The following ZNF331 variants were observed in gnomAD, a reference collection of about 807,000 sequenced individuals.
ZNF331 encodes the protein zinc finger protein 331, also known as C2H2-like zinc finger protein rearranged in thyroid adenomas.
In ZNF331, 2 loss-of-function variants were observed where a neutral mutation model predicts 7.0. The ratio of observed to expected loss-of-function variants is 0.29; its 90% CI spans 0.12 to 0.90. ZNF331 has a LOEUF of 0.90. Ranked by LOEUF, ZNF331 falls within the 40% of genes least tolerant of loss-of-function variation. ZNF331 has a pLI of 0.58. For missense variants in ZNF331, 432 were observed against 587.7 expected (o/e 0.74, Z 2.74); for synonymous variants, 196 against 205.4 (o/e 0.95, Z 0.39).
chr19:53,571,824 TTTC>T lies in ZNF331; in HGVS notation c.136+101_136+103del, dbSNP rs1358425734. On this transcript the variant is annotated intron_variant, in intron 5 of 5. Coordinates refer to ENST00000449416, the MANE Select transcript of ZNF331 (RefSeq NM_001079906.2). The surrounding 1 kb of genome is among the most constrained non-coding windows in gnomAD (Gnocchi z 4.7). The stretch of plus-strand genomic sequence containing the variant: ...ACCGCCTTTCAAGAAACTAGTTGAA[TTTC>T]TTCTTCCTGTCCCCAAGGAATGTAT... The T allele has an allele frequency of 6.8e-7, 1 of 1,464,492 alleles. No homozygotes were observed. The highest frequency in any genetic ancestry group is 9.2e-7 in the Non-Finnish European group (1 of 1,091,096). The allele number at this position is 1,464,492 out of a possible 1,614,324, so 90.7% of individuals were successfully genotyped here.
At chr19:53,520,608 G>A (rs563524014), upstream of ZNF331, among the ~76,000 whole-genome samples, 2 of 152,342 alleles carry the variant, frequency 1.3e-5, no homozygotes, top group South Asian at 4.1e-4. Flanking sequence ...ACAGTGGGAG[G>A]AGACACCGAC....
chr19:53,504,998 T>G, the ZNF331 span, among the ~76,000 whole-genome samples: 1 of 152,210 alleles, frequency 6.6e-6, no homozygotes, highest in South Asian at 2.1e-4. Flanking sequence ...CGAATGTGAT[T>G]TATTTGTTGC....
chr19:53,517,118 A>G (rs1316723531), upstream of ZNF331, among the ~76,000 whole-genome samples: 1 of 152,164 alleles, frequency 6.6e-6, no homozygotes, highest in Non-Finnish European at 1.5e-5. Flanking sequence ...ATGCCATTTG[A>G]CAAATCCCCC....
chr19:53,523,826 C>T (rs1397822585), intron 2 of ZNF331, among the ~76,000 whole-genome samples: 1 of 151,820 alleles, frequency 6.6e-6, no homozygotes, highest in African/African-American at 2.4e-5. Context: ...CAGGTTTAAT[C>T]CATAGGTATA....
At chr19:53,526,973 G>A (rs2087325829) in intron 2 of ZNF331, among the ~76,000 whole-genome samples, 1 of 151,598 alleles carries the variant, frequency 6.6e-6, no homozygotes, top group African/African-American at 2.4e-5. Flanking sequence ...GGCGGATCAC[G>A]AGGTCAGGAG....
intron 2 of ZNF331, among the ~76,000 whole-genome samples, chr19:53,541,123 T>C (rs2088140123): frequency 1.3e-5 from 2 of 151,750 alleles, no homozygotes; most frequent in East Asian, 1.9e-4. Flanking sequence ...TTTTTTTTTT[T>C]TGAGACAGAG....
chr19:53,575,170 C>G (rs2090648891), intron 5 of ZNF331, among the ~76,000 whole-genome samples: 1 of 151,882 alleles, frequency 6.6e-6, no homozygotes, highest in African/African-American at 2.4e-5. Context: ...AACTCCTGAG[C>G]TCAAGTAATC....
chr19:53,515,998 G>GA (rs1275772379), upstream of ZNF331, among the ~76,000 whole-genome samples: 1 of 152,082 alleles, frequency 6.6e-6, no homozygotes, highest in Non-Finnish European at 1.5e-5. Context: ...ATGACAACAA[G>GA]AAAAAAGCTG....
In ZNF331 at chr19:53,539,139, CCA is replaced by C. The variant is rs1215894616; in HGVS notation, c.-204-76_-204-75del. 2 of 152,314 alleles carry C rather than the reference CCA, an allele frequency of 1.3e-5. No homozygotes were observed. Among genetic ancestry groups the C allele is most frequent in the East Asian group, 3.9e-4 (2 of 5,160 alleles). The allele number at this position is 152,314 out of a possible 1,614,324, so 9.4% of individuals were successfully genotyped here. A position where few individuals can be genotyped will look rare whatever the true frequency, so the allele number is the denominator to read the frequency against. ...GCTCTTCAGGAATCTCCCAGAAACTCCATCTCGGGGCCTCGTATTTCTCATTG... is the reference window on the plus strand; with the variant it reads ...GCTCTTCAGGAATCTCCCAGAAACTCTCTCGGGGCCTCGTATTTCTCATTG... On this transcript the variant is annotated intron_variant, in intron 1 of 5. Transcript: ENST00000449416. The surrounding 1 kb of genome is among the most constrained non-coding windows in gnomAD (Gnocchi z 6.1).
chr19:53,506,247 A>C, the ZNF331 span, among the ~76,000 whole-genome samples: 1 of 123,954 alleles, frequency 8.1e-6, no homozygotes, highest in Non-Finnish European at 1.7e-5. Context: ...AGGCAGGAGA[A>C]TGGCGTGAAC....
At chr19:53,523,770 AT>A (rs56928806) in intron 2 of ZNF331, among the ~76,000 whole-genome samples, 5 of 149,108 alleles carry the variant, frequency 3.4e-5, no homozygotes, top group Admixed American at 6.7e-5. Flanking sequence ...TAGGGATACT[AT>A]TTTTTTTTTA....
chr19:53,514,912 A>C (rs1464123747), upstream of ZNF331, among the ~76,000 whole-genome samples: 1 of 152,056 alleles, frequency 6.6e-6, no homozygotes, highest in Non-Finnish European at 1.5e-5. Flanking sequence ...GGCCTCCCAA[A>C]GTGCTGGATT....
chr19:53,569,357 A>G lies in ZNF331; in HGVS notation c.-20A>G, dbSNP rs1012435127. 1.2e-5 allele frequency: 19 copies of G among 1,613,682 alleles called. No individual in the cohort carries two copies. The African/African-American group carries it at 2.4e-4, about 20-fold the overall frequency. ...AGTGGAAACCCCGAGAAGACTGATC[A>G]GTTCTTCAGTTCTAAAACAATGGCC... On this transcript the variant is annotated 5_prime_UTR_variant, in exon 4 of 6. Transcript: ENST00000449416.
chr19:53,526,207 G>T (rs2708773), intron 2 of ZNF331, among the ~76,000 whole-genome samples: 39,912 of 152,074 alleles, frequency 0.26, 6,197 homozygotes, highest in African/African-American at 0.43. Flanking sequence ...TTTGCTTTTA[G>T]GTTTATCAAA....
At chr19:53,531,057 G>A (rs2087518887) in intron 2 of ZNF331, among the ~76,000 whole-genome samples, 1 of 152,018 alleles carries the variant, frequency 6.6e-6, no homozygotes, top group African/African-American at 2.4e-5. Context: ...GCCTTATGAG[G>A]TATTTTCTAA....
chr19:53,507,664 GCCACGT>G, the ZNF331 span, among the ~76,000 whole-genome samples: 1 of 152,162 alleles, frequency 6.6e-6, no homozygotes, highest in Non-Finnish European at 1.5e-5. Flanking sequence ...CTCAGTGCCA[GCCACGT>G]GGAACCTGCA....
intron 1 of ZNF331, among the ~76,000 whole-genome samples, chr19:53,522,368 C>A (rs2087119524): frequency 6.6e-6 from 1 of 151,704 alleles, no homozygotes; most frequent in Admixed American, 6.6e-5. Context: ...TCCCAAGTAG[C>A]TGGGACCACA....
At chr19:53,511,809 T>C in the ZNF331 span, among the ~76,000 whole-genome samples, 1 of 152,186 alleles carries the variant, frequency 6.6e-6, no homozygotes, top group Non-Finnish European at 1.5e-5. Context: ...TAATATTTGC[T>C]GTGATTCTAC....
chr19:53,508,910 T>TCTGTGGAGGGAGAGGGAGAGTGACAAC, the ZNF331 span, among the ~76,000 whole-genome samples: 1 of 152,142 alleles, frequency 6.6e-6, no homozygotes, highest in Non-Finnish European at 1.5e-5. Context: ...ACTGACTGAT[T>TCTGTGGAGGGAGAGGGAGAGTGACAAC]CTGTGGAGGG....
Sources: allele counts gnomAD v4.1 joint callset (sites outside exome capture counted in the v4.1 genomes callset), GRCh38; gene constraint gnomAD v4.1.1; non-coding constraint Gnocchi (gnomAD v3.1); transcripts MANE v1.5; gene names NCBI Gene and HGNC (gene_info 2026-07-23, HGNC 2026-07-21).